MT4: variants seen among roughly 807,000 people sequenced by gnomAD.
MT4 encodes the protein metallothionein-4.
MT4 carries 11 observed loss-of-function variants against 9.5 expected under a neutral mutation model. The observed-to-expected ratio is 1.16, with a 90% confidence interval of 0.73 to 1.92. The LOEUF (loss-of-function observed/expected upper bound fraction) is 1.92, where lower values mean the gene tolerates loss of function less well. MT4 is among the 30% of genes most tolerant of loss of function. The probability of loss-of-function intolerance (pLI) is 0.00; values close to 1 mark genes in which losing one functional copy is unlikely to be tolerated. For missense variants in MT4, 88 were observed against 78.7 expected (o/e 1.12, Z -0.45); for synonymous variants, 29 against 24.6 (o/e 1.18, Z -0.53).
chr16:56,568,906 T>A lies in MT4; in HGVS notation c.163T>A (p.Ser55Thr), dbSNP rs1318113736. Residue 55 changes from serine (S) to threonine (T), a missense_variant, in exon 3 of 3, where the codon TCA becomes ACA. Coordinates refer to ENST00000219162, the MANE Select transcript of MT4 (RefSeq NM_032935.3). ...CARGCICKGG[S>T]DKCSCCP ...CCGGGGCTGCATCTGCAAAGGAGGC[T>A]CAGACAAGTGCAGCTGCTGCCCATG... The A allele has an allele frequency of 6.2e-7, 1 of 1,607,396 alleles. No homozygotes were observed. The highest frequency in any genetic ancestry group is 1.7e-5 in the Admixed American group (1 of 59,200).
intron 1 of MT4, among the ~76,000 whole-genome samples, chr16:56,566,872 A>C (rs1959543879): frequency 6.6e-6 from 1 of 151,488 alleles, no homozygotes. Flanking sequence ...GGGAGAGAGG[A>C]AGGAAGGAAG....
At chr16:56,566,827 G>GA (rs1959540583) in intron 1 of MT4, among the ~76,000 whole-genome samples, 61 of 109,042 alleles carry the variant, frequency 5.6e-4, no homozygotes, top group Middle Eastern at 6.0e-3. Context: ...AGAAAAGAAA[G>GA]AAAGAAAGAA....
chr16:56,565,282 G>C, intron 1 of MT4, 123 bp downstream of exon 1: 1 of 1,069,310 alleles, frequency 9.4e-7, no homozygotes, highest in East Asian at 2.9e-5. Flanking sequence ...GGTTCGTCCT[G>C]GGAGCCGACA....
At chr16:56,568,213 G>GAGAA (rs796608259) in intron 2 of MT4, among the ~76,000 whole-genome samples, 15 of 44,342 alleles carry the variant, frequency 3.4e-4, no homozygotes, top group African/African-American at 1.1e-3. Context: ...GAGAGAGAGA[G>GAGAA]AGAAAGAAAG....
intron 1 of MT4, among the ~76,000 whole-genome samples, chr16:56,566,054 AC>A (rs1959513894): frequency 9.6e-6 from 1 of 104,696 alleles, no homozygotes; most frequent in South Asian, 3.3e-4. Context: ...ATAGAGCAAG[AC>A]CCTTTCTCAA....
Position 56,567,790 on chromosome 16 carries a change from C to T in MT4, c.71C>T (p.Thr24Ile). 6.2e-7 allele frequency: 1 copy of T among 1,613,414 alleles called. No individual in the cohort carries two copies. Residue 24 changes from threonine to isoleucine, a missense_variant, in exon 2 of 3, where the codon ACC (threonine) becomes ATC (isoleucine). Thr to Ile is a moderately conservative substitution (Grantham distance 89). Coordinates refer to ENST00000219162, the MANE Select transcript of MT4 (RefSeq NM_032935.3). ...TGTGGAGACAACTGCAAATGCACAACCTGCAACTGTAAAACATATTGGAAG... is the reference window on the plus strand; with the variant it reads ...TGTGGAGACAACTGCAAATGCACAATCTGCAACTGTAAAACATATTGGAAG... ...CMCGDNCKCT[T>I]CNCKTYWKSC...
intron 1 of MT4, among the ~76,000 whole-genome samples, chr16:56,566,497 A>G (rs1156622974): frequency 6.6e-6 from 1 of 150,828 alleles, no homozygotes; most frequent in African/African-American, 2.4e-5. Context: ...ACAGGGCAAG[A>G]CCCTGTCAAA....
Position 56,565,133 on chromosome 16 carries a change from A to AC in MT4, c.9dup (p.Arg4GlnfsTer25). On this transcript the variant is annotated frameshift_variant, in exon 1 of 3. Transcript: ENST00000219162. LOFTEE classifies it high-confidence loss of function. The stretch of plus-strand genomic sequence containing the variant: ...AGCCTTTCGGACACCTGGACCATGG[A>AC]CCCCAGGGAATGTGTCTGCATGTCT... The AC allele has an allele frequency of 6.2e-7, 1 of 1,612,818 alleles. No homozygotes were observed. The highest frequency in any genetic ancestry group is 8.5e-7 in the Non-Finnish European group (1 of 1,179,476).
intron 2 of MT4, 134 bp from the exon 3 acceptor site, chr16:56,568,707 G>A (rs1959585388): frequency 1.7e-6 from 1 of 584,494 alleles, no homozygotes; most frequent in Non-Finnish European, 3.0e-6. Context: ...TCCTATCTCA[G>A]CATTTTTGCT....
At chr16:56,568,271 G>GAAAGAAAGAA (rs1349217551) in intron 2 of MT4, among the ~76,000 whole-genome samples, 69 of 58,584 alleles carry the variant, frequency 1.2e-3, no homozygotes, top group Non-Finnish European at 1.7e-3. Flanking sequence ...GAGAGAGAGA[G>GAAAGAAAGAA]AGAAAGAAAG....
chr16:56,567,790 C>A lies in MT4; in HGVS notation c.71C>A (p.Thr24Asn), dbSNP rs540747186. 4 of 1,613,414 alleles carry A rather than the reference C, an allele frequency of 2.5e-6. No individual in the cohort carries two copies. Among genetic ancestry groups the A allele is most frequent in the East Asian group, 2.2e-5 (1 of 44,850 alleles). Residue 24 changes from threonine to asparagine, a missense_variant, in exon 2 of 3, where the codon ACC becomes AAC. By Grantham distance (65) the Thr-to-Asn change is moderately conservative. Coordinates refer to ENST00000219162, the MANE Select transcript of MT4 (RefSeq NM_032935.3). ...TGTGGAGACAACTGCAAATGCACAA[C>A]CTGCAACTGTAAAACATATTGGAAG... Reference protein sequence around the residue: ...CMCGDNCKCTTCNCKTYWKSC... With the variant: ...CMCGDNCKCTNCNCKTYWKSC...
chr16:56,568,241 AAGAAAG>A (rs1959570144), intron 2 of MT4, among the ~76,000 whole-genome samples: 1 of 28,072 alleles, frequency 3.6e-5, no homozygotes, highest in African/African-American at 1.0e-4. Context: ...GAAAGAAAGA[AAGAAAG>A]AAAGAAAGAA....
At position 56,565,095 on chromosome 16, in the gene MT4, G is replaced by A. The variant is rs777781931; in HGVS notation, c.-34G>A. On this transcript the variant is annotated 5_prime_UTR_variant, in exon 1 of 3. The change creates a new upstream start codon in the 5' untranslated region. Transcript: ENST00000219162. The stretch of plus-strand genomic sequence containing the variant: ...CTCACTCAGCCTCCCTTCCCCAGCC[G>A]TGACAGCACTGGAGCCTTTCGGACA... 1.9e-5 allele frequency: 31 copies of A among 1,612,242 alleles called. No homozygotes were observed. Among genetic ancestry groups the A allele is most frequent in the African/African-American group, 6.7e-5 (5 of 74,848 alleles).
chr16:56,567,018 G>T (rs1959545246), intron 1 of MT4, among the ~76,000 whole-genome samples: 1 of 151,790 alleles, frequency 6.6e-6, no homozygotes, highest in Non-Finnish European at 1.5e-5. Context: ...GTGTGAAAGG[G>T]GTTTTTGTTT....
chr16:56,568,245 A>G (rs1301812294), intron 2 of MT4, among the ~76,000 whole-genome samples: 3,957 of 30,016 alleles, frequency 0.13, 192 homozygotes, highest in Non-Finnish European at 0.17. Context: ...GAAAGAAAGA[A>G]AGAAAGAAAG....
Position 56,565,110 on chromosome 16 carries a change from C to A in MT4, c.-19C>A, listed in dbSNP as rs367703241. On this transcript the variant is annotated 5_prime_UTR_variant, in exon 1 of 3. Transcript: ENST00000219162. The stretch of plus-strand genomic sequence containing the variant: ...TTCCCCAGCCGTGACAGCACTGGAG[C>A]CTTTCGGACACCTGGACCATGGACC... The A allele has an allele frequency of 2.5e-6, 4 of 1,612,936 alleles. No individual in the cohort carries two copies. Among genetic ancestry groups the A allele is most frequent in the Admixed American group, 3.3e-5 (2 of 59,844 alleles).
intron 1 of MT4, among the ~76,000 whole-genome samples, chr16:56,565,405 G>A (rs190519570): frequency 3.2e-4 from 49 of 152,310 alleles, no homozygotes; most frequent in Admixed American, 1.6e-3. Flanking sequence ...TGCAAACTTT[G>A]GTCTTTCTAG....
At chr16:56,568,237 A>AG (rs1959569459) in intron 2 of MT4, among the ~76,000 whole-genome samples, 21 of 29,296 alleles carry the variant, frequency 7.2e-4, no homozygotes, top group African/African-American at 1.5e-3. Flanking sequence ...GAAAGAAAGA[A>AG]AGAAAGAAAG....
intron 2 of MT4, among the ~76,000 whole-genome samples, chr16:56,568,271 G>GAGAGAGAGAGAGAAAGAA (rs1567330643): frequency 1.5e-4 from 9 of 58,644 alleles, no homozygotes; most frequent in Admixed American, 5.9e-4. Flanking sequence ...GAGAGAGAGA[G>GAGAGAGAGAGAGAAAGAA]AGAAAGAAAG....
Sources: allele counts gnomAD v4.1 joint callset (sites outside exome capture counted in the v4.1 genomes callset), GRCh38; gene constraint gnomAD v4.1.1; transcripts MANE v1.5; gene names NCBI Gene and HGNC (gene_info 2026-07-23, HGNC 2026-07-21).